Variants in NPEPPS observed in about 807,000 individuals in gnomAD.
The protein encoded by NPEPPS is puromycin-sensitive aminopeptidase.
Under a neutral mutation model 115.5 loss-of-function variants are expected in NPEPPS, and 14 were observed. The observed-to-expected ratio is 0.12, with a 90% CI of 0.08 to 0.19. NPEPPS has a LOEUF of 0.19. NPEPPS is among the 10% of genes least tolerant of loss of function. NPEPPS has a pLI of 1.00. For missense variants in NPEPPS, 523 were observed against 1,110.8 expected (o/e 0.47, Z 7.52); for synonymous variants, 285 against 390.6 (o/e 0.73, Z 3.19).
At chr17:47,593,265 A>G (rs1912627253) in intron 12 of NPEPPS, among the ~76,000 whole-genome samples, 1 of 152,216 alleles carries the variant, frequency 6.6e-6, no homozygotes, top group African/African-American at 2.4e-5. Context: ...GTATTTTGCC[A>G]ACTTAAAGAG....
At chr17:47,604,597 A>G (rs1913408821) in intron 16 of NPEPPS, among the ~76,000 whole-genome samples, 1 of 152,196 alleles carries the variant, frequency 6.6e-6, no homozygotes, top group East Asian at 1.9e-4. Flanking sequence ...AAATTGTCAT[A>G]TTCCTCCTAG....
At chr17:47,609,780 A>G (rs1913729784) in intron 17 of NPEPPS, among the ~76,000 whole-genome samples, 1 of 152,088 alleles carries the variant, frequency 6.6e-6, no homozygotes, top group Admixed American at 6.6e-5. Context: ...CTAGATTAAT[A>G]TTTATCTCTT....
chr17:47,601,852 A>G, intron 15 of NPEPPS, 105 bp downstream of exon 15: 1 of 1,215,538 alleles, frequency 8.2e-7, no homozygotes, highest in Non-Finnish European at 1.1e-6. Context: ...AAAAAAACCT[A>G]AACTTTTCTT....
At chr17:47,618,984 C>A (rs1914374611) in intron 20 of NPEPPS, 25 bp from the exon 21 acceptor site, 1 of 1,608,370 alleles carries the variant, frequency 6.2e-7, no homozygotes, top group East Asian at 2.2e-5. Flanking sequence ...ATACACTAGA[C>A]TTTTAGCTCT....
chr17:47,556,053 T>C (rs1909999317), intron 2 of NPEPPS, among the ~76,000 whole-genome samples: 1 of 136,030 alleles, frequency 7.4e-6, no homozygotes, highest in African/African-American at 2.7e-5. Flanking sequence ...AACCTCTGCC[T>C]CCCGGGTTCA....
intron 5 of NPEPPS, among the ~76,000 whole-genome samples, chr17:47,583,781 G>T (rs1203700141): frequency 1.3e-5 from 2 of 151,918 alleles, no homozygotes; most frequent in African/African-American, 4.8e-5. Flanking sequence ...AGTTAGCCAG[G>T]TATGGTGGCA....
chr17:47,618,966 T>C (rs768059751), intron 20 of NPEPPS, 43 bp from the exon 21 acceptor site: 1 of 1,583,434 alleles, frequency 6.3e-7, no homozygotes, highest in Admixed American at 1.7e-5. Flanking sequence ...TACCAGAATA[T>C]GTTTTTGATA....
rs374464537 is a variant in NPEPPS at position 47,576,235 on chromosome 17, C to T, written c.419-3155C>T. Among the ~76,000 whole-genome samples the T allele has an allele frequency of 2.0e-5, 3 of 152,184 alleles. No homozygotes were observed. In the South Asian group the frequency reaches 6.2e-4, roughly 32 times the overall value. On this transcript the variant is annotated intron_variant, in intron 3 of 22. Transcript: ENST00000322157. Reference sequence around the variant, plus strand: ...TAGTGGCTGAGGGTCCTAAGGGTGGCATTTATATGGAGAAACACTGGTAGT... The same window carrying T: ...TAGTGGCTGAGGGTCCTAAGGGTGGTATTTATATGGAGAAACACTGGTAGT...
Position 47,612,442 on chromosome 17 carries a change from T to C in NPEPPS, c.2096-18T>C, listed in dbSNP as rs772357701. 5 of 1,612,954 alleles carry C rather than the reference T, an allele frequency of 3.1e-6. No homozygotes were observed. Among genetic ancestry groups the C allele is most frequent in the Non-Finnish European group, 4.2e-6 (5 of 1,179,404 alleles). On this transcript the variant is annotated intron_variant, in intron 17 of 22. Coordinates refer to ENST00000322157, the MANE Select transcript of NPEPPS (RefSeq NM_006310.4). ...GGCTTTTTAAGTAGTCTTATGTCTCTTTTACTTCTCAAATCAGGTCATCTC... is the reference window on the plus strand; with the variant it reads ...GGCTTTTTAAGTAGTCTTATGTCTCCTTTACTTCTCAAATCAGGTCATCTC...
chr17:47,589,160 TG>T (rs1912360694), intron 9 of NPEPPS, among the ~76,000 whole-genome samples: 1 of 152,028 alleles, frequency 6.6e-6, no homozygotes, highest in Non-Finnish European at 1.5e-5. Flanking sequence ...TTGCCTAAAC[TG>T]GTCTCAAACT....
At chr17:47,536,991 G>A (rs1320662942) in intron 1 of NPEPPS, among the ~76,000 whole-genome samples, 1 of 148,756 alleles carries the variant, frequency 6.7e-6, no homozygotes, top group Non-Finnish European at 1.5e-5. Context: ...GGGATCACAG[G>A]CATGAGCCAC....
At chr17:47,615,705 G>A (rs1914159576) in intron 19 of NPEPPS, among the ~76,000 whole-genome samples, 2 of 152,104 alleles carry the variant, frequency 1.3e-5, no homozygotes, top group Admixed American at 1.3e-4. Context: ...ATTCCATGAT[G>A]ATATGGAAAA....
intron 15 of NPEPPS, 51 bp from the exon 16 acceptor site, chr17:47,603,864 T>C (rs1446722582): frequency 6.6e-7 from 1 of 1,525,378 alleles, no homozygotes; most frequent in Admixed American, 2.0e-5. Flanking sequence ...AAAAGGTTGA[T>C]TTAAAAAATT....
At chr17:47,541,429 T>C (rs527240475) in intron 1 of NPEPPS, among the ~76,000 whole-genome samples, 3 of 151,760 alleles carry the variant, frequency 2.0e-5, no homozygotes, top group Non-Finnish European at 4.4e-5. Flanking sequence ...CAGGTTGGAG[T>C]GCAATGGCGC....
chr17:47,530,245 A>G (rs1429604024), upstream of NPEPPS, among the ~76,000 whole-genome samples: 1 of 147,276 alleles, frequency 6.8e-6, no homozygotes, highest in Non-Finnish European at 1.5e-5. Flanking sequence ...GACCGCCCGA[A>G]ACATCCCATT....
intron 1 of NPEPPS, among the ~76,000 whole-genome samples, chr17:47,524,418 G>C (rs1311465628): frequency 1.3e-5 from 2 of 152,014 alleles, no homozygotes; most frequent in Non-Finnish European, 2.9e-5. Flanking sequence ...CAAACTCCTG[G>C]ATTCAAGGAA....
rs886733894 is a variant in NPEPPS, at chr17:47,549,337, C to CA, written c.340+3354dup. Among the ~76,000 whole-genome samples the CA allele has an allele frequency of 2.6e-3, 387 of 146,826 alleles. 3 individuals carry two copies. The highest frequency in any genetic ancestry group is 9.1e-3 in the African/African-American group (366 of 40,044). ...AGCCTGGGTGACAGAGACTCTGTCT[C>CA]AAAAAAAAAATATTTTCCTTCAGAA... On this transcript the variant is annotated intron_variant, in intron 2 of 22. Transcript: ENST00000322157.
intron 2 of NPEPPS, among the ~76,000 whole-genome samples, chr17:47,551,274 G>A (rs1945250374): frequency 6.6e-6 from 1 of 151,840 alleles, no homozygotes; most frequent in South Asian, 2.1e-4. Context: ...TGTGTGAAAA[G>A]GACCCCTTCT....
intron 2 of NPEPPS, among the ~76,000 whole-genome samples, chr17:47,560,630 A>G (rs946542803): frequency 2.0e-5 from 3 of 152,136 alleles, no homozygotes; most frequent in Admixed American, 6.6e-5. Flanking sequence ...TCCCCCTTGG[A>G]TATCCTCCAG....
Sources: gnomAD v4.1 joint callset for allele counts (sites outside exome capture counted in the v4.1 genomes callset) on GRCh38, gnomAD v4.1.1 for gene constraint, MANE v1.5 for transcripts, NCBI Gene and HGNC (gene_info 2026-07-23, HGNC 2026-07-21) for gene names.